OCIAD1: variants seen among roughly 807,000 people sequenced by gnomAD.
The protein encoded by OCIAD1 is OCIA domain-containing protein 1.
Under a neutral mutation model 38.9 loss-of-function variants are expected in OCIAD1, and 29 were observed. The ratio of observed to expected loss-of-function variants is 0.74; its 90% CI spans 0.55 to 1.02. The LOEUF (loss-of-function observed/expected upper bound fraction) is 1.02. Among genes scored for constraint, OCIAD1 ranks in the 50% least tolerant of loss-of-function variants. OCIAD1 has a pLI of 0.00. For synonymous variants in OCIAD1, 110 were observed against 92.0 expected (o/e 1.20, Z -1.12); for missense variants, 288 against 289.6 (o/e 0.99, Z 0.04).
chr4:48,848,617 G>T, intron 5 of OCIAD1, 171 bp downstream of exon 5: 1 of 401,298 alleles, frequency 2.5e-6, no homozygotes, highest in Admixed American at 4.4e-5. Flanking sequence ...TTTATTGTTA[G>T]CATAAAAAAT....
In OCIAD1 at chr4:48,839,555, T is replaced by C. The variant is rs1778335289; in HGVS notation, c.140-3081T>C. Among the ~76,000 whole-genome samples, 4 of 152,226 alleles carry C rather than the reference T, an allele frequency of 2.6e-5. No individual in the cohort carries two copies. In the South Asian group the frequency reaches 8.3e-4, roughly 31 times the overall value. The stretch of plus-strand genomic sequence containing the variant: ...TCCTGAGGTCTGTGCTATACTTTTC[T>C]TATCTATAAAATGGGGATAACTGCC... On this transcript the variant is annotated intron_variant, in intron 3 of 8. Transcript: ENST00000264312.
At chr4:48,821,968 C>T (rs920261317) in intron 1 of OCIAD1, among the ~76,000 whole-genome samples, 1 of 152,156 alleles carries the variant, frequency 6.6e-6, no homozygotes, top group African/African-American at 2.4e-5. Flanking sequence ...GGCCACACTG[C>T]CCAAGGTAAT....
At chr4:48,821,077 A>G (rs1434141587) in intron 1 of OCIAD1, among the ~76,000 whole-genome samples, 1 of 152,178 alleles carries the variant, frequency 6.6e-6, no homozygotes, top group African/African-American at 2.4e-5. Context: ...TGATATGAAA[A>G]CCTGGCAGAG....
intron 1 of OCIAD1, among the ~76,000 whole-genome samples, chr4:48,816,828 G>C (rs1303291018): frequency 2.6e-5 from 4 of 152,010 alleles, no homozygotes; most frequent in African/African-American, 9.7e-5. Flanking sequence ...AAAATTAGCT[G>C]GGCATGGTGG....
intron 1 of OCIAD1, among the ~76,000 whole-genome samples, chr4:48,805,533 G>A (rs1292146825): frequency 6.6e-6 from 1 of 151,976 alleles, no homozygotes; most frequent in Non-Finnish European, 1.5e-5. Context: ...ACTTACTTTG[G>A]ATAAATGTGA....
At position 48,861,459 on chromosome 4, in the gene OCIAD1, G is replaced by A. The variant is rs1320156550; in HGVS notation, c.*697G>A. On this transcript the variant is annotated 3_prime_UTR_variant, in exon 9 of 9. Transcript: ENST00000264312. ...CCCAGCACTTTGGGAGGCCGAAGTGGGAGGATTGCATGAGTCCAGGAGTTT... is the reference window on the plus strand; with the variant it reads ...CCCAGCACTTTGGGAGGCCGAAGTGAGAGGATTGCATGAGTCCAGGAGTTT... The A allele has an allele frequency of 6.6e-6, 1 of 152,168 alleles. No individual in the cohort carries two copies. Among genetic ancestry groups the A allele is most frequent in the Non-Finnish European group, 1.5e-5 (1 of 68,082 alleles). 9.4% of individuals were successfully genotyped at this position (152,168 alleles called of 1,614,324 possible).
chr4:48,843,002 A>G (rs1778669730), intron 4 of OCIAD1, among the ~76,000 whole-genome samples: 1 of 152,220 alleles, frequency 6.6e-6, no homozygotes, highest in African/African-American at 2.4e-5. Flanking sequence ...GCTTGTTAGA[A>G]TGCACATTCA....
At position 48,851,830 on chromosome 4, in the gene OCIAD1, TG is replaced by T; in HGVS notation, c.403del (p.Asp135ThrfsTer4). On this transcript the variant is annotated frameshift_variant, in exon 7 of 9. Transcript: ENST00000264312. LOFTEE classifies it high-confidence loss of function. ...PGHYYQKSKY[D>X]SSVSGQSSFV... ...GGCACTATTATCAAAAGTCAAAATA[TG>T]ACTCAAGTGTGAGTGGTCAATCATC... 6.2e-7 allele frequency: 1 copy of T among 1,611,534 alleles called. No homozygotes were observed.
At chr4:48,818,760 G>A (rs1011183911) in intron 1 of OCIAD1, among the ~76,000 whole-genome samples, 4 of 152,078 alleles carry the variant, frequency 2.6e-5, no homozygotes, top group African/African-American at 7.2e-5. Flanking sequence ...AACACAGCAG[G>A]AGAACTTTGT....
chr4:48,850,999 C>T (rs1779405947), intron 6 of OCIAD1, among the ~76,000 whole-genome samples: 1 of 152,112 alleles, frequency 6.6e-6, no homozygotes, highest in Non-Finnish European at 1.5e-5. Context: ...TTTTGAATTC[C>T]CAAATCTTAT....
At chr4:48,813,975 T>G (rs1398724352) in intron 1 of OCIAD1, among the ~76,000 whole-genome samples, 1 of 152,080 alleles carries the variant, frequency 6.6e-6, no homozygotes, top group Non-Finnish European at 1.5e-5. Context: ...AATAAATAAT[T>G]TTGTAGTTCT....
chr4:48,830,132 A>G (rs1372252120), upstream of OCIAD1, among the ~76,000 whole-genome samples: 1 of 152,198 alleles, frequency 6.6e-6, no homozygotes, highest in Admixed American at 6.5e-5. Flanking sequence ...GAAATAGAAG[A>G]AAGTGACGCT....
upstream of OCIAD1, among the ~76,000 whole-genome samples, chr4:48,828,825 G>A (rs754988669): frequency 3.3e-5 from 5 of 152,162 alleles, no homozygotes; most frequent in Non-Finnish European, 5.9e-5. Context: ...GTGAGGGTCC[G>A]CAGCTTCATT....
At chr4:48,814,967 T>C (rs4694905) in intron 1 of OCIAD1, among the ~76,000 whole-genome samples, 149,534 of 152,296 alleles carry the variant, frequency 0.98, 73,468 homozygotes, top group East Asian at 1. Context: ...AATAATAGTC[T>C]ATATATTAAG....
chr4:48,852,875 G>GTTTTTTTGT, intron 7 of OCIAD1, among the ~76,000 whole-genome samples: 1 of 69,140 alleles, frequency 1.4e-5, no homozygotes, highest in Admixed American at 1.1e-4. Context: ...GTTTTTTTTT[G>GTTTTTTTGT]TTTTTTGTTT....
At chr4:48,845,287 C>T (rs1459684514) in intron 4 of OCIAD1, among the ~76,000 whole-genome samples, 2 of 152,184 alleles carry the variant, frequency 1.3e-5, no homozygotes, top group African/African-American at 2.4e-5. Context: ...TGAGACTATC[C>T]ATATGTTCTA....
chr4:48,847,781 T>C (rs1219711372), intron 4 of OCIAD1, among the ~76,000 whole-genome samples: 4 of 152,222 alleles, frequency 2.6e-5, no homozygotes, highest in Non-Finnish European at 5.9e-5. Context: ...AGCTTTATCA[T>C]GTAGATTTTG....
chr4:48,844,709 C>T (rs374866454), intron 4 of OCIAD1, among the ~76,000 whole-genome samples: 5 of 152,070 alleles, frequency 3.3e-5, no homozygotes, highest in Admixed American at 6.6e-5. Flanking sequence ...ACATTTTGTA[C>T]AGTGGTCCTT....
chr4:48,857,329 G>A lies in OCIAD1; in HGVS notation c.664G>A (p.Val222Ile). 6.3e-7 allele frequency: 1 copy of A among 1,594,552 alleles called. No individual in the cohort carries two copies. The change falls in exon 8 of 9, where the codon GTC becomes ATC. Residue 222 changes from valine (V) to isoleucine (I), a missense_variant. Physicochemically the swap from Val to Ile is conservative, Grantham distance 29. Coordinates refer to ENST00000264312, the MANE Select transcript of OCIAD1 (RefSeq NM_017830.4). ...TTTAACACAAAAGACTGACCCCTCA[G>A]TCAGGCCTATGCATGAAAGAGTGCC... ...VSLTQKTDPSVRPMHERVPKK... is the reference protein window; with the variant it reads ...VSLTQKTDPSIRPMHERVPKK...
Sources: allele counts gnomAD v4.1 joint callset (sites outside exome capture counted in the v4.1 genomes callset), GRCh38; gene constraint gnomAD v4.1.1; transcripts MANE v1.5; gene names NCBI Gene and HGNC (gene_info 2026-07-23, HGNC 2026-07-21).